Variants in BIRC6 observed in about 807,000 individuals in gnomAD.
The protein encoded by BIRC6 is dual E2 ubiquitin-conjugating enzyme/E3 ubiquitin-protein ligase BIRC6.
In BIRC6, 98 loss-of-function variants were observed where a neutral mutation model predicts 503.3. The observed-to-expected ratio is 0.19, with a 90% CI of 0.17 to 0.23. The LOEUF (loss-of-function observed/expected upper bound fraction) is 0.23, where lower values mean the gene tolerates loss of function less well. Among genes scored for constraint, BIRC6 ranks in the 10% least tolerant of loss-of-function variants. BIRC6 has a pLI of 1.00. For synonymous variants in BIRC6, 2,240 were observed against 2,078.7 expected (o/e 1.08, Z -2.11); for missense variants, 5,360 against 5,806.0 (o/e 0.92, Z 2.50).
chr2:32,567,752 A>G (rs1396165336), intron 65 of BIRC6, among the ~76,000 whole-genome samples: 6 of 152,208 alleles, frequency 3.9e-5, no homozygotes, highest in Admixed American at 3.3e-4. Context: ...GAGAAACATC[A>G]TCATATAGAA....
rs1250156822 is a variant in BIRC6 at position 32,488,161 on chromosome 2, C to T, written c.7968+360C>T. On this transcript the variant is annotated intron_variant, in intron 41 of 73. Coordinates refer to ENST00000421745, the MANE Select transcript of BIRC6 (RefSeq NM_016252.4). ...TTCGAGACCAGCTTGGGCAACATAA[C>T]ACTAGATCCTGTCTCTAATAAAGTA... 2.6e-5 allele frequency among the ~76,000 whole-genome samples: 4 copies of T among 151,988 alleles called. No homozygotes were observed. The East Asian group carries it at 5.8e-4, about 22-fold the overall frequency.
chr2:32,377,782 A>C lies in BIRC6; in HGVS notation c.507+13A>C. 1.2e-6 allele frequency: 2 copies of C among 1,604,284 alleles called. No homozygotes were observed. Among genetic ancestry groups the C allele is most frequent in the Non-Finnish European group, 1.7e-6 (2 of 1,174,494 alleles). On this transcript the variant is annotated intron_variant, in intron 2 of 73. Transcript: ENST00000421745. The stretch of plus-strand genomic sequence containing the variant: ...ACCCGTTACAGAGGTAAGTTGAAAT[A>C]AGTATCAATGTGGTCCTCTACTTAA...
chr2:32,611,108 C>CTTTTTTTTTTTTTTTT (rs1245765148), intron 72 of BIRC6, among the ~76,000 whole-genome samples: 6 of 126,166 alleles, frequency 4.8e-5, no homozygotes, highest in Admixed American at 3.3e-4. Context: ...ATTAAATTGC[C>CTTTTTTTTTTTTTTTT]TTTTTTTTTT....
chr2:32,531,247 T>C (rs548648261), intron 60 of BIRC6, 108 bp from the exon 61 acceptor site: 15 of 912,222 alleles, frequency 1.6e-5, no homozygotes, highest in Admixed American at 8.7e-5. Flanking sequence ...TGTTTTGTGC[T>C]CTTTTTTGAG....
intron 23 of BIRC6, among the ~76,000 whole-genome samples, chr2:32,457,351 T>C (rs187408291): frequency 6.3e-4 from 96 of 152,336 alleles, no homozygotes; most frequent in East Asian, 2.5e-3. Context: ...GCCATGATTT[T>C]TTATATGTAC....
intron 24 of BIRC6, 50 bp downstream of exon 24, chr2:32,463,431 C>G (rs1482377254): frequency 1.4e-6 from 2 of 1,475,314 alleles, no homozygotes. Flanking sequence ...ACTTCAAAAG[C>G]TGAAAAAGTA....
chr2:32,481,203 T>C (rs2050365761), intron 37 of BIRC6, 117 bp from the exon 38 acceptor site: 7 of 869,986 alleles, frequency 8.0e-6, no homozygotes, highest in Non-Finnish European at 1.2e-5. Context: ...CATAGAGTTT[T>C]TTTTTTTAGG....
chr2:32,482,482 T>C lies in BIRC6; in HGVS notation c.7596T>C (p.Asn2532=), dbSNP rs890799137. 16 of 1,613,786 alleles carry C rather than the reference T, an allele frequency of 9.9e-6. No homozygotes were observed. Among genetic ancestry groups the C allele is most frequent in the Non-Finnish European group, 1.3e-5 (15 of 1,179,840 alleles). ...GGGGTGCTGATTATGGGACCTACAA[T>C]TACAACCCTTACATTGGAGGTCTGG... is the stretch of plus-strand genomic sequence containing the variant. The part of the protein sequence containing the change: ...DYWGADYGTY[N]YNPYIGGLGI... The change falls in exon 39 of 74, where the codon AAT becomes AAC. Residue 2532 remains asparagine, a synonymous_variant. Transcript: ENST00000421745.
At chr2:32,382,377 T>C (rs1471183675) in intron 3 of BIRC6, among the ~76,000 whole-genome samples, 2 of 152,216 alleles carry the variant, frequency 1.3e-5, no homozygotes, top group Admixed American at 1.3e-4. Flanking sequence ...AACAAAATGC[T>C]GAAGACTGGA....
chr2:32,616,500 C>G (rs2063248143), intron 73 of BIRC6, among the ~76,000 whole-genome samples: 1 of 140,842 alleles, frequency 7.1e-6, no homozygotes, highest in African/African-American at 2.7e-5. Flanking sequence ...GTGGAGTTTG[C>G]AGTGAGCCGA....
chr2:32,597,980 T>G lies in BIRC6; in HGVS notation c.13830+12T>G, dbSNP rs749547023. 1.9e-6 allele frequency: 3 copies of G among 1,597,662 alleles called. No homozygotes were observed. The highest frequency in any genetic ancestry group is 2.6e-6 in the Non-Finnish European group (3 of 1,172,230). On this transcript the variant is annotated intron_variant, in intron 69 of 73. Coordinates refer to ENST00000421745, the MANE Select transcript of BIRC6 (RefSeq NM_016252.4). ...TTGATATCATGAAGGTAAAAAATAATGATAATAAAGCACTCTCCCTTATCT... is the reference window on the plus strand; with the variant it reads ...TTGATATCATGAAGGTAAAAAATAAGGATAATAAAGCACTCTCCCTTATCT...
intron 61 of BIRC6, among the ~76,000 whole-genome samples, chr2:32,543,009 A>C (rs1370565203): frequency 6.6e-6 from 1 of 152,148 alleles, no homozygotes; most frequent in African/African-American, 2.4e-5. Flanking sequence ...CGTGTTGGCC[A>C]GGCTGGTCTC....
chr2:32,612,348 A>G (rs1038277106), intron 73 of BIRC6, among the ~76,000 whole-genome samples: 1 of 152,136 alleles, frequency 6.6e-6, no homozygotes, highest in African/African-American at 2.4e-5. Flanking sequence ...GGAAATGTGA[A>G]ATGTGATTGG....
chr2:32,406,172 G>A (rs1045092239), intron 8 of BIRC6, among the ~76,000 whole-genome samples: 2 of 152,100 alleles, frequency 1.3e-5, no homozygotes, highest in Admixed American at 6.6e-5. Context: ...TGGGAAGATT[G>A]CTTAAGCCCA....
rs973796920 is a variant in BIRC6 at position 32,415,869 on chromosome 2, A to G, written c.2578A>G (p.Ile860Val). The change falls in exon 10 of 74, where the codon ATT becomes GTT. Residue 860 changes from isoleucine to valine, a missense_variant. Physicochemically the swap from Ile to Val is conservative, Grantham distance 29. Transcript: ENST00000421745. ...TCCCCAGGACACAATTACCTCGCTCATTTTGCTTCCACCCGATATATTGGA... is the reference window on the plus strand; with the variant it reads ...TCCCCAGGACACAATTACCTCGCTCGTTTTGCTTCCACCCGATATATTGGA... Reference protein sequence around the residue: ...KDPQDTITSLILLPPDILDNR... With the variant: ...KDPQDTITSLVLLPPDILDNR... The G allele has an allele frequency of 6.2e-7, 1 of 1,613,886 alleles. No individual in the cohort carries two copies. The highest frequency in any genetic ancestry group is 1.7e-5 in the Admixed American group (1 of 59,994).
At chr2:32,601,651 G>A (rs1189603406) in intron 70 of BIRC6, among the ~76,000 whole-genome samples, 2 of 152,060 alleles carry the variant, frequency 1.3e-5, no homozygotes, top group Non-Finnish European at 2.9e-5. Context: ...TATTAAAAGT[G>A]TACAAAATCT....
intron 65 of BIRC6, among the ~76,000 whole-genome samples, chr2:32,574,133 T>C (rs1274175936): frequency 6.6e-6 from 1 of 151,576 alleles, no homozygotes; most frequent in Non-Finnish European, 1.5e-5. Context: ...AACCCCCACA[T>C]ATTTGAGAAT....
rs892083020 is a variant in BIRC6 at position 32,415,712 on chromosome 2, A to C, written c.2421A>C (p.Val807=). Residue 807 remains valine, a synonymous_variant, in exon 10 of 74, where the codon GTA becomes GTC. Transcript: ENST00000421745. ...TCCAACATGAATCACCAGCAGATGT[A>C]CAGACTCCTTTAATAATTCAGCCTG... ...SVIQHESPAD[V]QTPLIIQPEQ... 1.2e-6 allele frequency: 2 copies of C among 1,613,772 alleles called. No individual in the cohort carries two copies. Among genetic ancestry groups the C allele is most frequent in the Non-Finnish European group, 1.7e-6 (2 of 1,179,882 alleles).
intron 4 of BIRC6, among the ~76,000 whole-genome samples, chr2:32,391,503 C>T (rs1045513051): frequency 3.3e-5 from 5 of 152,156 alleles, no homozygotes; most frequent in Admixed American, 6.5e-5. Context: ...AATACAACTA[C>T]GAGTAAACCT....
Sources: gnomAD v4.1 joint callset for allele counts (sites outside exome capture counted in the v4.1 genomes callset) on GRCh38, gnomAD v4.1.1 for gene constraint, MANE v1.5 for transcripts, NCBI Gene and HGNC (gene_info 2026-07-23, HGNC 2026-07-21) for gene names.